The following CSTPP1 variants were observed in gnomAD, a reference collection of about 807,000 sequenced individuals.
The protein encoded by CSTPP1 is centriolar satellite-associated tubulin polyglutamylase complex regulator 1, also known as UPF0705 protein C11orf49.
the CSTPP1 span, chr11:47,051,956 T>A: frequency 6.6e-6 from 1 of 152,664 alleles, no homozygotes; most frequent in Non-Finnish European, 1.5e-5. Flanking sequence ...CCTCCCAAAG[T>A]GCTGGGATTA....
At chr11:47,084,026 G>A in the CSTPP1 span, among the ~76,000 whole-genome samples, 2 of 152,202 alleles carry the variant, frequency 1.3e-5, no homozygotes, top group African/African-American at 2.4e-5. Flanking sequence ...ATTCCCACCA[G>A]CAATGTATGA....
At chr11:47,043,902 T>A in the CSTPP1 span, among the ~76,000 whole-genome samples, 1 of 152,194 alleles carries the variant, frequency 6.6e-6, no homozygotes, top group Non-Finnish European at 1.5e-5. Flanking sequence ...GCACTTATTA[T>A]CTTTAAATTA....
the CSTPP1 span, among the ~76,000 whole-genome samples, chr11:47,090,932 G>A: frequency 2.0e-5 from 3 of 151,142 alleles, no homozygotes; most frequent in South Asian, 2.1e-4. Context: ...CCAGCTACTC[G>A]GGAGGCTGAG....
the CSTPP1 span, among the ~76,000 whole-genome samples, chr11:47,098,836 T>C: frequency 6.6e-6 from 1 of 152,222 alleles, no homozygotes; most frequent in Non-Finnish European, 1.5e-5. Flanking sequence ...TCACGGTCTG[T>C]GTAAATCTGA....
the CSTPP1 span, among the ~76,000 whole-genome samples, chr11:46,968,939 AAT>A: frequency 1.3e-5 from 2 of 151,086 alleles, no homozygotes; most frequent in African/African-American, 4.9e-5. Flanking sequence ...AACTTTTGTT[AAT>A]GTCTTCATTT....
chr11:47,035,186 C>G, the CSTPP1 span, among the ~76,000 whole-genome samples: 1 of 152,156 alleles, frequency 6.6e-6, no homozygotes, highest in African/African-American at 2.4e-5. Context: ...ACCTTAGATT[C>G]ATTTATCTTG....
At chr11:46,993,377 C>G in the CSTPP1 span, among the ~76,000 whole-genome samples, 1 of 150,208 alleles carries the variant, frequency 6.7e-6, no homozygotes, top group African/African-American at 2.4e-5. Flanking sequence ...TTTTTTTTGC[C>G]TAGGTTTTCT....
At chr11:47,059,230 G>T in the CSTPP1 span, among the ~76,000 whole-genome samples, 5 of 152,082 alleles carry the variant, frequency 3.3e-5, no homozygotes, top group Non-Finnish European at 7.4e-5. Context: ...TTAGAGGGCA[G>T]GTCAATAGTT....
At chr11:47,123,939 T>TGA in the CSTPP1 span, among the ~76,000 whole-genome samples, 50,359 of 151,140 alleles carry the variant, frequency 0.33, 8,868 homozygotes, top group East Asian at 0.71. Flanking sequence ...GTGACAAGAG[T>TGA]GACTCTGTCT....
At chr11:47,110,015 A>G in the CSTPP1 span, among the ~76,000 whole-genome samples, 1 of 152,178 alleles carries the variant, frequency 6.6e-6, no homozygotes, top group African/African-American at 2.4e-5. Context: ...TTCTCAGCTC[A>G]AATGGTACGT....
At chr11:47,161,054 A>AG in the CSTPP1 span, 1 of 1,586,818 alleles carries the variant, frequency 6.3e-7, no homozygotes, top group South Asian at 1.1e-5. Flanking sequence ...CGTGAAGGTG[A>AG]GGGGCATGGA....
chr11:47,065,928 T>G, the CSTPP1 span, among the ~76,000 whole-genome samples: 1 of 151,278 alleles, frequency 6.6e-6, no homozygotes, highest in African/African-American at 2.4e-5. Flanking sequence ...TTTTGTATCT[T>G]GATTTTGTAT....
chr11:47,117,348 A>G, the CSTPP1 span, among the ~76,000 whole-genome samples: 1 of 152,300 alleles, frequency 6.6e-6, no homozygotes, highest in Admixed American at 6.5e-5. Context: ...AAAATCTCTC[A>G]GCATTTGCTT....
At chr11:47,029,993 G>A in the CSTPP1 span, among the ~76,000 whole-genome samples, 1 of 151,966 alleles carries the variant, frequency 6.6e-6, no homozygotes, top group Non-Finnish European at 1.5e-5. Flanking sequence ...CGGGCATGGT[G>A]GTGCACACCT....
the CSTPP1 span, among the ~76,000 whole-genome samples, chr11:47,005,822 AG>A: frequency 6.6e-6 from 1 of 152,232 alleles, no homozygotes; most frequent in Non-Finnish European, 1.5e-5. Context: ...AGTTAATGAA[AG>A]TAAAGTGCTT....
the CSTPP1 span, among the ~76,000 whole-genome samples, chr11:46,958,291 C>T: frequency 1.3e-5 from 2 of 151,534 alleles, no homozygotes; most frequent in Non-Finnish European, 2.9e-5. Context: ...TGAGCCACCA[C>T]GCCTGGCCCC....
chr11:47,151,219 C>T, the CSTPP1 span, among the ~76,000 whole-genome samples: 1 of 152,272 alleles, frequency 6.6e-6, no homozygotes, highest in East Asian at 1.9e-4. Context: ...CAAGACCATC[C>T]TGGCCAACAT....
the CSTPP1 span, among the ~76,000 whole-genome samples, chr11:47,129,888 A>T: frequency 6.6e-6 from 1 of 152,264 alleles, no homozygotes; most frequent in Non-Finnish European, 1.5e-5. Flanking sequence ...CTTTGCCTAG[A>T]ACAAAGATAC....
At chr11:46,990,974 C>T in the CSTPP1 span, among the ~76,000 whole-genome samples, 36 of 152,218 alleles carry the variant, frequency 2.4e-4, no homozygotes, top group African/African-American at 8.2e-4. Flanking sequence ...TCTGTACTTT[C>T]CATTGGTCTA....
Sources: gnomAD v4.1 joint callset for allele counts (sites outside exome capture counted in the v4.1 genomes callset) on GRCh38, gnomAD v4.1.1 for gene constraint, MANE v1.5 for transcripts, NCBI Gene and HGNC (gene_info 2026-07-23, HGNC 2026-07-21) for gene names.